ARHGAP24: variants seen among roughly 807,000 people sequenced by gnomAD.
ARHGAP24 encodes Rho GTPase activating protein 24.
A neutral mutation model predicts 76.4 loss-of-function variants in ARHGAP24; 50 were observed. The observed-to-expected ratio is 0.65, with a 90% CI of 0.52 to 0.83. The LOEUF is 0.83. Among genes scored for constraint, ARHGAP24 ranks in the 40% least tolerant of loss-of-function variants. The pLI is 0.00. For synonymous variants in ARHGAP24, 345 were observed against 323.3 expected, an observed-to-expected ratio of 1.07 and a Z score of -0.72; for missense variants, 930 against 914.2, an observed-to-expected ratio of 1.02 and a Z score of -0.22.
At chr4:85,809,562 TC>T (rs1728927391) in intron 3 of ARHGAP24, among the ~76,000 whole-genome samples, 1 of 152,218 alleles carries the variant, frequency 6.6e-6, no homozygotes, top group African/African-American at 2.4e-5. Context: ...TAGCACCCAC[TC>T]TTTTTTTCAG....
At chr4:85,874,162 T>G (rs991096376) in intron 3 of ARHGAP24, among the ~76,000 whole-genome samples, 1 of 152,106 alleles carries the variant, frequency 6.6e-6, no homozygotes, top group Non-Finnish European at 1.5e-5. Flanking sequence ...TGTACAAATA[T>G]TGGAAGCACA....
intron 6 of ARHGAP24, 148 bp downstream of exon 6, chr4:85,972,316 G>A (rs557255033): frequency 1.4e-5 from 14 of 993,562 alleles, no homozygotes; most frequent in East Asian, 5.2e-5. Context: ...GAGACTTTCC[G>A]TATACAGCTC....
intron 3 of ARHGAP24, among the ~76,000 whole-genome samples, chr4:85,816,703 T>C (rs1257244974): frequency 1.3e-5 from 2 of 152,232 alleles, no homozygotes; most frequent in Non-Finnish European, 2.9e-5. Flanking sequence ...ATCTTGGCTA[T>C]TGTAAATAAT....
intron 4 of ARHGAP24, among the ~76,000 whole-genome samples, chr4:85,940,745 C>T (rs1040751796): frequency 2.0e-5 from 3 of 152,018 alleles, no homozygotes; most frequent in Non-Finnish European, 4.4e-5. Flanking sequence ...ACTTGAATAT[C>T]GATACTAAGT....
At chr4:85,777,073 A>G (rs1046871158) in intron 3 of ARHGAP24, among the ~76,000 whole-genome samples, 1 of 152,190 alleles carries the variant, frequency 6.6e-6, no homozygotes, top group Non-Finnish European at 1.5e-5. Flanking sequence ...TCATTGTGTC[A>G]AAAACCATGG....
intron 2 of ARHGAP24, among the ~76,000 whole-genome samples, chr4:85,610,714 T>C (rs1260252363): frequency 6.6e-6 from 1 of 152,148 alleles, no homozygotes; most frequent in Non-Finnish European, 1.5e-5. Flanking sequence ...TTCAAAAGTC[T>C]TGTGTTTGCT....
At chr4:85,778,040 A>T (rs1727374669) in intron 3 of ARHGAP24, among the ~76,000 whole-genome samples, 1 of 152,194 alleles carries the variant, frequency 6.6e-6, no homozygotes. Context: ...ATGTGTGTCT[A>T]GTTTAAGAGC....
At chr4:85,649,571 T>C (rs1031988) in intron 2 of ARHGAP24, among the ~76,000 whole-genome samples, 45,261 of 152,028 alleles carry the variant, frequency 0.3, 8,155 homozygotes, top group East Asian at 0.84. Context: ...ATTGATTTAA[T>C]TCCCCATTAG....
chr4:85,711,092 T>C (rs778752834), intron 2 of ARHGAP24, among the ~76,000 whole-genome samples: 2 of 152,154 alleles, frequency 1.3e-5, no homozygotes, highest in Non-Finnish European at 2.9e-5. Context: ...TCATGTCCTT[T>C]AGAGGGACAT....
At chr4:85,733,877 G>A (rs1725507737) in intron 3 of ARHGAP24, among the ~76,000 whole-genome samples, 1 of 152,166 alleles carries the variant, frequency 6.6e-6, no homozygotes, top group South Asian at 2.1e-4. Flanking sequence ...GAGGTATTGG[G>A]GGTTTGAAGT....
At position 85,743,392 on chromosome 4, in the gene ARHGAP24, C is replaced by CAAAAAAA. The variant is rs774717006; in HGVS notation, c.268+21455_268+21461dup. Among the ~76,000 whole-genome samples, 6 of 43,378 alleles carry CAAAAAAA rather than the reference C, an allele frequency of 1.4e-4. 2 individuals carry two copies. The highest frequency in any genetic ancestry group is 5.1e-4 in the African/African-American group (6 of 11,784). The allele number at this position is 43,378 out of a possible 152,430, so 28.5% of individuals were successfully genotyped here. The stretch of plus-strand genomic sequence containing the variant: ...AAGACGCCAAGGCGGGATCCCATCT[C>CAAAAAAA]AAAAAAAAAAAAAAAAAAAAAAAAA... On this transcript the variant is annotated intron_variant, in intron 3 of 9. Transcript: ENST00000395184.
intron 3 of ARHGAP24, among the ~76,000 whole-genome samples, chr4:85,810,883 G>A (rs1728984906): frequency 6.6e-6 from 1 of 152,250 alleles, no homozygotes; most frequent in Non-Finnish European, 1.5e-5. Flanking sequence ...AGAGAAGATA[G>A]TATGAAAGCA....
intron 3 of ARHGAP24, among the ~76,000 whole-genome samples, chr4:85,888,058 GAGGCC>G (rs1733664357): frequency 6.6e-6 from 1 of 151,934 alleles, no homozygotes; most frequent in Admixed American, 6.6e-5. Flanking sequence ...AAATTCAAAT[GAGGCC>G]TCATTTGAAT....
intron 2 of ARHGAP24, among the ~76,000 whole-genome samples, chr4:85,671,814 A>G (rs1473674122): frequency 2.0e-5 from 3 of 152,212 alleles, no homozygotes; most frequent in East Asian, 3.8e-4. Flanking sequence ...CTCTACTAAA[A>G]AGAAGAATGT....
chr4:85,714,268 T>C (rs1724648474), intron 2 of ARHGAP24, among the ~76,000 whole-genome samples: 1 of 152,176 alleles, frequency 6.6e-6, no homozygotes, highest in African/African-American at 2.4e-5. Context: ...TGTTAAACGT[T>C]TTAAAATGAG....
chr4:85,868,900 C>T (rs1225310980), intron 3 of ARHGAP24, among the ~76,000 whole-genome samples: 2 of 151,846 alleles, frequency 1.3e-5, no homozygotes, highest in Non-Finnish European at 2.9e-5. Context: ...GCCAGGTTAC[C>T]TTCTCTTTTT....
intron 2 of ARHGAP24, among the ~76,000 whole-genome samples, chr4:85,652,566 T>A (rs183171528): frequency 6.6e-6 from 1 of 152,330 alleles, no homozygotes; most frequent in Non-Finnish European, 1.5e-5. Flanking sequence ...TATTTAATAA[T>A]GAAAATGGAG....
chr4:85,518,533 C>A (rs1050267981), intron 1 of ARHGAP24, among the ~76,000 whole-genome samples: 2 of 152,012 alleles, frequency 1.3e-5, no homozygotes, highest in African/African-American at 4.8e-5. Flanking sequence ...TTCTTCCCCC[C>A]AAGTTTCCAA....
intron 3 of ARHGAP24, chr4:85,827,994 G>A: frequency 7.8e-7 from 1 of 1,289,316 alleles, no homozygotes; most frequent in Non-Finnish European, 1.0e-6. Context: ...TGGGTGCTTT[G>A]TTCTTAATTT....
Sources: gnomAD v4.1 joint callset for allele counts (sites outside exome capture counted in the v4.1 genomes callset) on GRCh38, gnomAD v4.1.1 for gene constraint, MANE v1.5 for transcripts, NCBI Gene and HGNC (gene_info 2026-07-23, HGNC 2026-07-21) for gene names.